Variants in TNFSF4 observed in about 807,000 individuals in gnomAD.
The protein encoded by TNFSF4 is tumor necrosis factor ligand superfamily member 4.
TNFSF4 carries 4 observed loss-of-function variants against 7.3 expected under a neutral mutation model. That is an observed-to-expected ratio of 0.55 (90% CI 0.27 to 1.25). The LOEUF (loss-of-function observed/expected upper bound fraction) is 1.25, where lower values mean the gene tolerates loss of function less well. Ranked by LOEUF, TNFSF4 falls within the 50% of genes most tolerant of loss-of-function variation. The pLI is 0.12. For missense variants in TNFSF4, 181 were observed against 208.8 expected, an observed-to-expected ratio of 0.87 and a Z score of 0.82; for synonymous variants, 76 against 83.7, an observed-to-expected ratio of 0.91 and a Z score of 0.50.
chr1:173,238,232 C>T, the TNFSF4 span, among the ~76,000 whole-genome samples: 7 of 152,102 alleles, frequency 4.6e-5, no homozygotes, highest in Non-Finnish European at 8.8e-5. Context: ...TCTCCTTACA[C>T]CATATCGAAA....
the TNFSF4 span, among the ~76,000 whole-genome samples, chr1:173,409,162 A>G: frequency 1.3e-5 from 2 of 152,214 alleles, no homozygotes; most frequent in Admixed American, 6.5e-5. Flanking sequence ...ACAAACTCAA[A>G]TGAAGGAGCA....
At chr1:173,254,570 C>G in the TNFSF4 span, among the ~76,000 whole-genome samples, 1 of 152,144 alleles carries the variant, frequency 6.6e-6, no homozygotes, top group Non-Finnish European at 1.5e-5. Flanking sequence ...GGCTTGTTCT[C>G]ACCTGTTGGG....
chr1:173,248,052 G>A, the TNFSF4 span, among the ~76,000 whole-genome samples: 1 of 152,092 alleles, frequency 6.6e-6, no homozygotes, highest in African/African-American at 2.4e-5. Context: ...TAGATAGATA[G>A]AACAGCATAT....
chr1:173,329,785 T>C, the TNFSF4 span, among the ~76,000 whole-genome samples: 1 of 151,924 alleles, frequency 6.6e-6, no homozygotes, highest in African/African-American at 2.4e-5. Context: ...CAAGAAGAAA[T>C]ATGGTTTTTT....
chr1:173,380,902 G>A, the TNFSF4 span, among the ~76,000 whole-genome samples: 4 of 152,074 alleles, frequency 2.6e-5, no homozygotes, highest in Middle Eastern at 3.2e-3. Flanking sequence ...TATGTGGAAC[G>A]TCGACCTATA....
At chr1:173,209,662 GTCTGGCTAATT>G (rs1484328993), upstream of TNFSF4, among the ~76,000 whole-genome samples, 1 of 151,966 alleles carries the variant, frequency 6.6e-6, no homozygotes, top group African/African-American at 2.4e-5. Flanking sequence ...GCAACACCAG[GTCTGGCTAATT>G]TCTTTTAAAA....
chr1:173,441,586 T>C, the TNFSF4 span, among the ~76,000 whole-genome samples: 1 of 152,184 alleles, frequency 6.6e-6, no homozygotes. Context: ...ATTGAGCCAC[T>C]GCACTCCAGC....
At chr1:173,319,193 G>A in the TNFSF4 span, among the ~76,000 whole-genome samples, 1 of 152,142 alleles carries the variant, frequency 6.6e-6, no homozygotes, top group African/African-American at 2.4e-5. Flanking sequence ...TTTAGTAGGT[G>A]GTTTTCCCCT....
chr1:173,249,247 G>A, the TNFSF4 span, among the ~76,000 whole-genome samples: 1 of 152,196 alleles, frequency 6.6e-6, no homozygotes, highest in African/African-American at 2.4e-5. Context: ...GGTAAGCTCA[G>A]TTTTGAACAT....
the TNFSF4 span, among the ~76,000 whole-genome samples, chr1:173,276,963 G>A: frequency 6.6e-6 from 1 of 152,066 alleles, no homozygotes; most frequent in Non-Finnish European, 1.5e-5. Context: ...CTTCATACAA[G>A]TACACAAAAT....
chr1:173,239,517 C>T, the TNFSF4 span, among the ~76,000 whole-genome samples: 1 of 152,098 alleles, frequency 6.6e-6, no homozygotes. Flanking sequence ...TCACTTTTTT[C>T]CCCCTAACTT....
At chr1:173,224,176 T>A in the TNFSF4 span, among the ~76,000 whole-genome samples, 2 of 152,202 alleles carry the variant, frequency 1.3e-5, no homozygotes, top group Non-Finnish European at 1.5e-5. Context: ...ACATCAGAAC[T>A]ATCCAGACAT....
intron 1 of TNFSF4, among the ~76,000 whole-genome samples, chr1:173,202,068 T>C (rs954284821): frequency 3.5e-5 from 5 of 142,698 alleles, no homozygotes; most frequent in African/African-American, 1.3e-4. Flanking sequence ...CATATATATA[T>C]ATACACACAC....
At chr1:173,449,187 C>A in the TNFSF4 span, among the ~76,000 whole-genome samples, 4 of 152,110 alleles carry the variant, frequency 2.6e-5, no homozygotes, top group South Asian at 4.1e-4. Flanking sequence ...ATGTGGTGTT[C>A]CCACTCCTGG....
chr1:173,191,110 ATCCTGCAACTTAAGGAATGTTCCAACT>A (rs543137433), intron 1 of TNFSF4, among the ~76,000 whole-genome samples: 20 of 152,342 alleles, frequency 1.3e-4, no homozygotes, highest in African/African-American at 4.8e-4. Context: ...CTCCAAAAAT[ATCCTGCAACTTAAGGAATGTTCCAACT>A]TTTTGAGGTG....
the TNFSF4 span, among the ~76,000 whole-genome samples, chr1:173,340,589 G>T: frequency 6.6e-6 from 1 of 152,106 alleles, no homozygotes; most frequent in Non-Finnish European, 1.5e-5. Flanking sequence ...TTTGTAAGGA[G>T]AAAAGGAGGA....
the TNFSF4 span, among the ~76,000 whole-genome samples, chr1:173,431,462 G>A: frequency 1.3e-5 from 2 of 152,180 alleles, no homozygotes; most frequent in Non-Finnish European, 2.9e-5. Flanking sequence ...CCTGCTGGGG[G>A]CCCAAAATCA....
chr1:173,324,514 T>TATTAACC, the TNFSF4 span, among the ~76,000 whole-genome samples: 1 of 152,152 alleles, frequency 6.6e-6, no homozygotes, highest in African/African-American at 2.4e-5. Context: ...CACATAAAAA[T>TATTAACC]ATTAACCTTA....
At chr1:173,323,400 A>C in the TNFSF4 span, among the ~76,000 whole-genome samples, 1 of 152,214 alleles carries the variant, frequency 6.6e-6, no homozygotes, top group African/African-American at 2.4e-5. Flanking sequence ...CACCATCATC[A>C]AAGACCAAAG....
Sources: gnomAD v4.1 joint callset for allele counts (sites outside exome capture counted in the v4.1 genomes callset) on GRCh38, gnomAD v4.1.1 for gene constraint, MANE v1.5 for transcripts, NCBI Gene and HGNC (gene_info 2026-07-23, HGNC 2026-07-21) for gene names.